The following LY96 variants were observed in gnomAD, a reference collection of about 807,000 sequenced individuals.
The protein encoded by LY96 is myeloid differentiation protein-2.
Under a neutral mutation model 18.9 loss-of-function variants are expected in LY96, and 18 were observed. The observed-to-expected ratio is 0.95, with a 90% CI of 0.66 to 1.41. The LOEUF is 1.41. Ranked by LOEUF, LY96 falls within the 40% of genes most tolerant of loss-of-function variation. LY96 has a pLI of 0.00. For synonymous variants in LY96, 66 were observed against 62.6 expected, an observed-to-expected ratio of 1.06 and a Z score of -0.26; for missense variants, 175 against 182.4, an observed-to-expected ratio of 0.96 and a Z score of 0.23.
intron 3 of LY96, among the ~76,000 whole-genome samples, chr8:74,026,225 C>T (rs1213395145): frequency 6.6e-6 from 1 of 152,234 alleles, no homozygotes; most frequent in Non-Finnish European, 1.5e-5. Flanking sequence ...CCACCACATT[C>T]ACTACTTTGT....
Position 74,002,062 on chromosome 8 carries a change from CCTTCCTTCCTTCCTTTCTTT to C in LY96, c.113-2730_113-2711del, listed in dbSNP as rs1429735791. Among the ~76,000 whole-genome samples the C allele has an allele frequency of 1.6e-3, 48 of 29,306 alleles. 6 individuals carry two copies. Among genetic ancestry groups the C allele is most frequent in the African/African-American group, 4.8e-3 (25 of 5,246 alleles). 19.2% of individuals were successfully genotyped at this position (29,306 alleles called of 152,430 possible). On this transcript the variant is annotated intron_variant, in intron 1 of 4. Transcript: ENST00000284818. Reference sequence around the variant, plus strand: ...TCCTTCCTTCCTTCCTTCCTTCCTTCCTTCCTTCCTTCCTTTCTTTCTTTCTTTCTTTCTCTCTCTCTCTC... The same window carrying C: ...TCCTTCCTTCCTTCCTTCCTTCCTTCCTTTCTTTCTTTCTCTCTCTCTCTC...
rs144750675 is a variant in LY96, at chr8:74,015,811, G to A, written c.331+5682G>A. Reference sequence around the variant, plus strand: ...CTAAGAAGGGGTTCTGTTCTCCCTCGCCCTGCCTCAGTTCCCTCTTGCCTT... The same window carrying A: ...CTAAGAAGGGGTTCTGTTCTCCCTCACCCTGCCTCAGTTCCCTCTTGCCTT... On this transcript the variant is annotated intron_variant, in intron 3 of 4. Coordinates refer to ENST00000284818, the MANE Select transcript of LY96 (RefSeq NM_015364.5). 1.7e-4 allele frequency among the ~76,000 whole-genome samples: 26 copies of A among 152,250 alleles called. No individual in the cohort carries two copies. In the East Asian group the frequency reaches 3.1e-3, roughly 18 times the overall value.
the LY96 span, among the ~76,000 whole-genome samples, chr8:74,086,310 G>A: frequency 6.6e-6 from 1 of 152,188 alleles, no homozygotes; most frequent in East Asian, 1.9e-4. Context: ...GGGAGAACAT[G>A]TACCAGTTTT....
the LY96 span, among the ~76,000 whole-genome samples, chr8:74,063,704 T>C: frequency 1.4e-5 from 2 of 144,730 alleles, no homozygotes; most frequent in African/African-American, 5.6e-5. Flanking sequence ...ATTTTCTTCA[T>C]AAAGATCCTG....
At chr8:73,998,201 A>T (rs1816190996) in intron 1 of LY96, among the ~76,000 whole-genome samples, 1 of 152,186 alleles carries the variant, frequency 6.6e-6, no homozygotes, top group African/African-American at 2.4e-5. Flanking sequence ...AGAAATTGGG[A>T]TCAAAAACCA....
the LY96 span, among the ~76,000 whole-genome samples, chr8:74,054,312 G>A: frequency 1.4e-3 from 214 of 151,938 alleles, 5 homozygotes; most frequent in East Asian, 0.04. Flanking sequence ...ACAGGCATGA[G>A]CAACCGTGCT....
chr8:74,096,721 G>A, the LY96 span, among the ~76,000 whole-genome samples: 4 of 152,296 alleles, frequency 2.6e-5, no homozygotes, highest in South Asian at 8.3e-4. Context: ...TTGTACCCCA[G>A]CACCTATGAT....
the LY96 span, among the ~76,000 whole-genome samples, chr8:74,088,483 C>CA: frequency 2.0e-4 from 31 of 152,178 alleles, no homozygotes; most frequent in Non-Finnish European, 3.2e-4. Flanking sequence ...CACATACCCC[C>CA]AAGCATCCAC....
intron 3 of LY96, among the ~76,000 whole-genome samples, chr8:74,017,794 C>T (rs1234567532): frequency 1.3e-5 from 2 of 152,084 alleles, no homozygotes; most frequent in East Asian, 3.9e-4. Context: ...TCATACCCAG[C>T]CAAACTAAGC....
chr8:74,068,081 A>ATATATATATATATATATAT, the LY96 span, among the ~76,000 whole-genome samples: 1 of 95,380 alleles, frequency 1.0e-5, no homozygotes, highest in African/African-American at 6.9e-5. Context: ...AAAAAAAAAA[A>ATATATATATATATATATAT]AAAAAAAAAT....
At chr8:74,035,754 C>T in the LY96 span, among the ~76,000 whole-genome samples, 3 of 152,206 alleles carry the variant, frequency 2.0e-5, no homozygotes, top group African/African-American at 4.8e-5. Context: ...ACTTTGGTTT[C>T]CACAACCTGT....
At chr8:74,081,457 C>A in the LY96 span, among the ~76,000 whole-genome samples, 1 of 150,808 alleles carries the variant, frequency 6.6e-6, no homozygotes, top group Non-Finnish European at 1.5e-5. Context: ...AGAAGTTCTT[C>A]CTGTGTTGCC....
the LY96 span, among the ~76,000 whole-genome samples, chr8:74,090,644 T>C: frequency 2.0e-5 from 3 of 152,188 alleles, no homozygotes; most frequent in East Asian, 5.8e-4. Flanking sequence ...ATGTGGTCAA[T>C]AGGTGGTGCT....
At chr8:73,996,050 C>T (rs1816119703) in intron 1 of LY96, among the ~76,000 whole-genome samples, 1 of 152,174 alleles carries the variant, frequency 6.6e-6, no homozygotes, top group African/African-American at 2.4e-5. Context: ...TAGTATAGCC[C>T]AGCTACTCAG....
the LY96 span, among the ~76,000 whole-genome samples, chr8:74,085,493 C>T: frequency 1.1e-4 from 16 of 152,218 alleles, no homozygotes; most frequent in African/African-American, 2.2e-4. Flanking sequence ...CAATCACCCA[C>T]GAAACCAAAG....
At chr8:74,041,293 A>T in the LY96 span, among the ~76,000 whole-genome samples, 1 of 152,222 alleles carries the variant, frequency 6.6e-6, no homozygotes, top group Non-Finnish European at 1.5e-5. Flanking sequence ...TCATAAGCTG[A>T]GAATGTACAT....
At chr8:74,014,640 G>A (rs1310042018) in intron 3 of LY96, among the ~76,000 whole-genome samples, 3 of 151,870 alleles carry the variant, frequency 2.0e-5, no homozygotes, top group Admixed American at 6.6e-5. Context: ...AAGCATTGAC[G>A]TATCAAGAGA....
chr8:74,028,942 A>T lies in LY96; in HGVS notation c.385-14A>T, dbSNP rs781094812. 6.7e-6 allele frequency: 10 copies of T among 1,495,874 alleles called. No individual in the cohort carries two copies. Among genetic ancestry groups the T allele is most frequent in the South Asian group, 2.3e-5 (2 of 87,764 alleles). 92.7% of individuals were successfully genotyped at this position (1,495,874 alleles called of 1,614,324 possible). ...ACATTTTGTATTACTTGTATTTCTT[A>T]TACTTCATTTTAGGGAAAATACAAA... On this transcript the variant is annotated splice_polypyrimidine_tract_variant and intron_variant, in intron 4 of 4. Coordinates refer to ENST00000284818, the MANE Select transcript of LY96 (RefSeq NM_015364.5).
At chr8:74,060,949 A>G in the LY96 span, among the ~76,000 whole-genome samples, 1 of 152,220 alleles carries the variant, frequency 6.6e-6, no homozygotes, top group South Asian at 2.1e-4. Context: ...TCCCTATTCA[A>G]CAATGACAAA....
Sources: allele counts gnomAD v4.1 joint callset (sites outside exome capture counted in the v4.1 genomes callset), GRCh38; gene constraint gnomAD v4.1.1; transcripts MANE v1.5; gene names NCBI Gene and HGNC (gene_info 2026-07-23, HGNC 2026-07-21).